The following TDO2 variants were observed in gnomAD, a reference collection of about 807,000 sequenced individuals.
The protein encoded by TDO2 is tryptophan 2,3-dioxygenase, also known as tryptamin 2,3-dioxygenase.
A neutral mutation model predicts 61.2 loss-of-function variants in TDO2; 63 were observed. That is an observed-to-expected ratio of 1.03 (90% CI 0.84 to 1.27). The LOEUF is 1.27. Among genes scored for constraint, TDO2 ranks in the 50% most tolerant of loss-of-function variants. The probability of loss-of-function intolerance (pLI) is 0.00; values close to 1 mark genes in which losing one functional copy is unlikely to be tolerated. For missense variants in TDO2, 494 were observed against 469.5 expected, an observed-to-expected ratio of 1.05 and a Z score of -0.48; for synonymous variants, 183 against 164.0, an observed-to-expected ratio of 1.12 and a Z score of -0.89.
intron 2 of TDO2, 44 bp from the exon 3 acceptor site, chr4:155,905,023 C>A: frequency 7.1e-7 from 1 of 1,414,928 alleles, no homozygotes; most frequent in Admixed American, 2.4e-5. Context: ...TCATAAAAAC[C>A]AAGTTCTGCA....
chr4:155,914,800 G>A (rs13107055), intron 8 of TDO2, among the ~76,000 whole-genome samples: 4,178 of 152,244 alleles, frequency 0.027, 80 homozygotes, highest in Middle Eastern at 0.041. Context: ...GCTACCGTGA[G>A]AGCAAGTATT....
At position 155,919,897 on chromosome 4, in the gene TDO2, C is replaced by T; in HGVS notation, c.1128C>T (p.His376=). ...TTTCAACATACCTGATTCCCCGACA[C>T]TGGATACCGAAGATGAACCCAACCA... ...FNLSTYLIPR[H]WIPKMNPTIH... is the part of the protein sequence containing the mutation. Residue 376 remains histidine (H), a synonymous_variant, in exon 12 of 12, where the codon CAC becomes CAT. Transcript: ENST00000536354. The T allele has an allele frequency of 1.2e-6, 2 of 1,613,664 alleles. No homozygotes were observed. Among genetic ancestry groups the T allele is most frequent in the Non-Finnish European group, 8.5e-7 (1 of 1,179,702 alleles).
chr4:155,908,435 A>C (rs1236967454), intron 4 of TDO2, among the ~76,000 whole-genome samples: 1 of 52,848 alleles, frequency 1.9e-5, no homozygotes, highest in Non-Finnish European at 8.4e-5. Context: ...GACAGAGCAC[A>C]TGGGACCCAT....
chr4:155,910,016 A>G lies in TDO2; in HGVS notation c.432-9A>G, dbSNP rs1214411930. Reference sequence around the variant, plus strand: ...CCCTTGCCTTTCCTTCCACCATTTAATCTCAAAGAGAGTACTTATCTCCAG... The same window carrying G: ...CCCTTGCCTTTCCTTCCACCATTTAGTCTCAAAGAGAGTACTTATCTCCAG... On this transcript the variant is annotated splice_polypyrimidine_tract_variant and intron_variant, in intron 5 of 11. Coordinates refer to ENST00000536354, the MANE Select transcript of TDO2 (RefSeq NM_005651.4). The G allele has an allele frequency of 1.3e-6, 2 of 1,503,122 alleles. No individual in the cohort carries two copies. The highest frequency in any genetic ancestry group is 3.0e-5 in the African/African-American group (2 of 66,396). 93.1% of individuals were successfully genotyped at this position (1,503,122 alleles called of 1,614,324 possible).
At chr4:155,905,669 A>T (rs1425828207) in intron 3 of TDO2, 1 of 152,172 alleles carries the variant, frequency 6.6e-6, no homozygotes, top group Non-Finnish European at 1.5e-5. Flanking sequence ...AGGTCCCTGA[A>T]CTCCAAAATT....
chr4:155,915,296 A>C (rs1302840415), intron 8 of TDO2, among the ~76,000 whole-genome samples: 1 of 152,216 alleles, frequency 6.6e-6, no homozygotes, highest in African/African-American at 2.4e-5. Flanking sequence ...ATTGGTATTA[A>C]GTTTTATAAG....
intron 8 of TDO2, 63 bp from the exon 9 acceptor site, chr4:155,915,791 GC>G (rs988796670): frequency 8.5e-6 from 12 of 1,407,988 alleles, no homozygotes; most frequent in Non-Finnish European, 1.2e-5. Context: ...AGATGACGAT[GC>G]CAAATTAATA....
chr4:155,920,164 T>C lies in TDO2; in HGVS notation c.*174T>C. 1.6e-6 allele frequency: 1 copy of C among 612,112 alleles called. No homozygotes were observed. The highest frequency in any genetic ancestry group is 2.8e-6 in the Non-Finnish European group (1 of 359,302). 37.9% of individuals were successfully genotyped at this position (612,112 alleles called of 1,614,324 possible). A position where few individuals can be genotyped will look rare whatever the true frequency, so the allele number is the denominator to read the frequency against. On this transcript the variant is annotated 3_prime_UTR_variant, in exon 12 of 12. Coordinates refer to ENST00000536354, the MANE Select transcript of TDO2 (RefSeq NM_005651.4). ...CTCTTGTTTGTGACAAGACTAAGCATTAAGATGAGAAAGAATACATTTAAA... is the reference window on the plus strand; with the variant it reads ...CTCTTGTTTGTGACAAGACTAAGCACTAAGATGAGAAAGAATACATTTAAA...
chr4:155,917,434 T>C lies in TDO2; in HGVS notation c.936T>C (p.Thr312=). The change falls in exon 10 of 12, where the codon ACT becomes ACC. Residue 312 remains threonine, a synonymous_variant. Coordinates refer to ENST00000536354, the MANE Select transcript of TDO2 (RefSeq NM_005651.4). ...PRFQVPFQLL[T]SLMDIDSLMT... Reference sequence around the variant, plus strand: ...TCCAGGTGCCTTTTCAGTTGCTGACTTCTCTTATGGACATAGATTCACTGA... The same window carrying C: ...TCCAGGTGCCTTTTCAGTTGCTGACCTCTCTTATGGACATAGATTCACTGA... 1 of 1,611,802 alleles carries C rather than the reference T, an allele frequency of 6.2e-7. No homozygotes were observed. Among genetic ancestry groups the C allele is most frequent in the South Asian group, 1.1e-5 (1 of 90,712 alleles).
intron 10 of TDO2, 23 bp downstream of exon 10, chr4:155,917,497 A>G (rs1201233001): frequency 3.2e-6 from 5 of 1,582,580 alleles, no homozygotes; most frequent in Non-Finnish European, 4.3e-6. Flanking sequence ...CACTCACCCC[A>G]TGTTGCTTCC....
Position 155,920,132 on chromosome 4 carries a change from T to C in TDO2, c.*142T>C. The C allele has an allele frequency of 1.4e-6, 1 of 727,766 alleles. No individual in the cohort carries two copies. The highest frequency in any genetic ancestry group is 2.2e-6 in the Non-Finnish European group (1 of 446,284). The allele number at this position is 727,766 out of a possible 1,614,324, so 45.1% of individuals were successfully genotyped here. On this transcript the variant is annotated 3_prime_UTR_variant, in exon 12 of 12. Transcript: ENST00000536354. ...CTCTGATTTAATTCTAGAAACAATTTGATTACCTCTTGTTTGTGACAAGAC... is the reference window on the plus strand; with the variant it reads ...CTCTGATTTAATTCTAGAAACAATTCGATTACCTCTTGTTTGTGACAAGAC...
At chr4:155,909,103 T>G (rs969957292) in intron 5 of TDO2, 89 bp downstream of exon 5, 1 of 1,344,912 alleles carries the variant, frequency 7.4e-7, no homozygotes, top group Non-Finnish European at 9.8e-7. Context: ...TTTTGTGCCA[T>G]GAGGAGCCTG....
At chr4:155,912,043 C>A (rs898998840) in intron 7 of TDO2, among the ~76,000 whole-genome samples, 1 of 151,960 alleles carries the variant, frequency 6.6e-6, no homozygotes, top group Non-Finnish European at 1.5e-5. Context: ...TTGCTCATTG[C>A]CCTTATCTTT....
chr4:155,916,249 G>C (rs1285632083), intron 9 of TDO2, among the ~76,000 whole-genome samples: 2 of 138,292 alleles, frequency 1.4e-5, no homozygotes, highest in South Asian at 2.5e-4. Flanking sequence ...CTCACTGCAA[G>C]CTCCGCCTCC....
chr4:155,917,021 TAAAA>T (rs2110884736), intron 9 of TDO2, among the ~76,000 whole-genome samples: 1 of 151,924 alleles, frequency 6.6e-6, no homozygotes, highest in South Asian at 2.1e-4. Flanking sequence ...TGAAAAGAAA[TAAAA>T]AGTGGTTTTT....
chr4:155,912,647 C>CTTAG (rs1040175300), intron 7 of TDO2, among the ~76,000 whole-genome samples: 1 of 149,580 alleles, frequency 6.7e-6, no homozygotes. Flanking sequence ...AGTCCATTGG[C>CTTAG]TTAGATCCTT....
rs775054654 is a variant in TDO2 at position 155,910,190 on chromosome 4, G to T, written c.597G>T (p.Lys199Asn). The change falls in exon 6 of 12, where the codon AAG (lysine) becomes AAT (asparagine). Residue 199 changes from lysine (K) to asparagine (N), a missense_variant. Physicochemically the swap from Lys to Asn is moderately conservative, Grantham distance 94. Transcript: ENST00000536354. ...TGCTACTTAAATCTGAGCAGGAAAA[G>T]ACACTTCTGGAATTAGTGGAGGTAT... The part of the protein sequence containing the change: ...NELLLKSEQE[K>N]TLLELVEAWL... 1 of 1,581,716 alleles carries T rather than the reference G, an allele frequency of 6.3e-7. No individual in the cohort carries two copies. The highest frequency in any genetic ancestry group is 1.4e-5 in the African/African-American group (1 of 72,772).
In TDO2 at chr4:155,908,879, AC is replaced by A; in HGVS notation, c.304-6del. On this transcript the variant is annotated splice_region_variant and splice_polypyrimidine_tract_variant and intron_variant, in intron 4 of 11. Coordinates refer to ENST00000536354, the MANE Select transcript of TDO2 (RefSeq NM_005651.4). Reference sequence around the variant, plus strand: ...TGCTAACTCAGTGTTTCATTTCTTAACCTTCAGGTCAGAGATGAAAGGAACA... The same window carrying A: ...TGCTAACTCAGTGTTTCATTTCTTAACTTCAGGTCAGAGATGAAAGGAACA... 5 of 1,607,392 alleles carry A rather than the reference AC, an allele frequency of 3.1e-6. No individual in the cohort carries two copies. The highest frequency in any genetic ancestry group is 3.4e-6 in the Non-Finnish European group (4 of 1,177,092).
chr4:155,916,603 T>A (rs1335114906), intron 9 of TDO2, among the ~76,000 whole-genome samples: 1 of 152,048 alleles, frequency 6.6e-6, no homozygotes, highest in South Asian at 2.1e-4. Context: ...ACTTGCAAAC[T>A]GTACCACTTA....
Sources: gnomAD v4.1 joint callset for allele counts (sites outside exome capture counted in the v4.1 genomes callset) on GRCh38, gnomAD v4.1.1 for gene constraint, MANE v1.5 for transcripts, NCBI Gene and HGNC (gene_info 2026-07-23, HGNC 2026-07-21) for gene names.